Variants in LRRC8B observed in about 807,000 individuals in gnomAD.
LRRC8B encodes the protein volume-regulated anion channel subunit LRRC8B.
In LRRC8B, 23 loss-of-function variants were observed where a neutral mutation model predicts 58.8. The ratio of observed to expected loss-of-function variants is 0.39; its 90% CI spans 0.28 to 0.55. The LOEUF is 0.55. Among genes scored for constraint, LRRC8B ranks in the 20% least tolerant of loss-of-function variants. LRRC8B has a pLI of 0.62. For missense variants in LRRC8B, 694 were observed against 936.0 expected (o/e 0.74, Z 3.37); for synonymous variants, 359 against 374.1 (o/e 0.96, Z 0.47).
At chr1:89,550,487 C>T (rs1281268210) in intron 1 of LRRC8B, among the ~76,000 whole-genome samples, 1 of 152,204 alleles carries the variant, frequency 6.6e-6, no homozygotes, top group Non-Finnish European at 1.5e-5. Context: ...ATCTCACCTT[C>T]TTCAGCTTTC....
intron 1 of LRRC8B, among the ~76,000 whole-genome samples, chr1:89,563,353 G>A (rs1652822900): frequency 1.3e-5 from 2 of 152,094 alleles, no homozygotes; most frequent in African/African-American, 4.8e-5. Context: ...CCTGTCTGCA[G>A]CATAAATCTT....
chr1:89,558,884 C>G (rs543507624), intron 1 of LRRC8B: 1 of 152,278 alleles, frequency 6.6e-6, no homozygotes, highest in South Asian at 2.1e-4. Flanking sequence ...AGCCTAATCA[C>G]CTCCTAAATG....
chr1:89,549,589 C>G (rs1651662690), intron 1 of LRRC8B, among the ~76,000 whole-genome samples: 1 of 152,124 alleles, frequency 6.6e-6, no homozygotes. Context: ...TCCAGTTGGA[C>G]AATCAAGTAG....
In LRRC8B at chr1:89,583,050, G is replaced by A; in HGVS notation, c.400G>A (p.Ala134Thr). Reference protein sequence around the residue: ...LVLLHTLIFAACSNFWLHYPS... With the variant: ...LVLLHTLIFATCSNFWLHYPS... ...GCTCTTGCACACGCTCATCTTTGCA[G>A]CCTGCAGCAACTTTTGGCTTCACTA... Residue 134 changes from alanine (A) to threonine (T), a missense_variant, in exon 5 of 6, where the codon GCC (alanine) becomes ACC (threonine). Transcript: ENST00000330947. This position sits in a 1 kb window ranked among gnomAD's most constrained non-coding sequence, Gnocchi z 5.2. The A allele has an allele frequency of 6.2e-7, 1 of 1,614,118 alleles. No individual in the cohort carries two copies. The highest frequency in any genetic ancestry group is 8.5e-7 in the Non-Finnish European group (1 of 1,180,038).
chr1:89,581,437 A>G (rs1471817103), intron 4 of LRRC8B, among the ~76,000 whole-genome samples: 1 of 152,178 alleles, frequency 6.6e-6, no homozygotes, highest in Non-Finnish European at 1.5e-5. Flanking sequence ...GCAAGGGGGC[A>G]CCATGCTACC....
chr1:89,535,013 T>A (rs898021003), intron 1 of LRRC8B, among the ~76,000 whole-genome samples: 1 of 152,058 alleles, frequency 6.6e-6, no homozygotes, highest in African/African-American at 2.4e-5. Flanking sequence ...CCCAAGGCAA[T>A]GCACCATAAG....
intron 1 of LRRC8B, among the ~76,000 whole-genome samples, chr1:89,546,151 G>A (rs1344226584): frequency 1.3e-5 from 2 of 152,148 alleles, no homozygotes; most frequent in African/African-American, 4.8e-5. Context: ...CATGTTCAAA[G>A]GCATAGTAGG....
Position 89,596,623 on chromosome 1 carries a change from T to C in LRRC8B, c.*3580T>C, listed in dbSNP as rs1655321520. ...TTGTGTTTTCAATAAAATTTTCTTTTCATCTTTCCATCTTCACATTCTCTT... is the reference window on the plus strand; with the variant it reads ...TTGTGTTTTCAATAAAATTTTCTTTCCATCTTTCCATCTTCACATTCTCTT... On this transcript the variant is annotated 3_prime_UTR_variant, in exon 6 of 6. Transcript: ENST00000330947. 1 of 152,212 alleles carries C rather than the reference T, an allele frequency of 6.6e-6. No homozygotes were observed. Among genetic ancestry groups the C allele is most frequent in the East Asian group, 1.9e-4 (1 of 5,204 alleles). 9.4% of individuals were successfully genotyped at this position (152,212 alleles called of 1,614,324 possible). A position where few individuals can be genotyped will look rare whatever the true frequency, so the allele number is the denominator to read the frequency against.
Position 89,584,376 on chromosome 1 carries a change from G to C in LRRC8B, c.1726G>C (p.Val576Leu), listed in dbSNP as rs139233340. 1 of 1,614,104 alleles carries C rather than the reference G, an allele frequency of 6.2e-7. No individual in the cohort carries two copies. Among genetic ancestry groups the C allele is most frequent in the Non-Finnish European group, 8.5e-7 (1 of 1,180,030 alleles). Reference protein sequence around the residue: ...LSLDNEGSKLVVLNNLKKMVN... With the variant: ...LSLDNEGSKLLVLNNLKKMVN... ...CCTTGATAATGAGGGAAGCAAACTG[G>C]TTGTGTTGAACAACTTGAAAAAGAT... Residue 576 changes from valine (V) to leucine (L), a missense_variant, in exon 5 of 6, where the codon GTT becomes CTT. Val to Leu is a conservative substitution (Grantham distance 32). Around this residue, in one of 5 missense-constraint regions of LRRC8B, gnomAD observed 53 missense variants for 112.3 expected, o/e 0.47. Coordinates refer to ENST00000330947, the MANE Select transcript of LRRC8B (RefSeq NM_001369817.2).
intron 1 of LRRC8B, among the ~76,000 whole-genome samples, chr1:89,550,830 C>A (rs1651748285): frequency 6.6e-6 from 1 of 152,176 alleles, no homozygotes; most frequent in Admixed American, 6.5e-5. Context: ...CATTGAATGA[C>A]TGCAGTAGGT....
rs142576173 is a variant in LRRC8B, at chr1:89,530,002, G to A, written c.-241+4980G>A. ...TGGGACCATACTGGGGAGGACAGGT[G>A]AATCACTCACTCACTGCAAACAGAT... On this transcript the variant is annotated intron_variant, in intron 1 of 5. Coordinates refer to ENST00000330947, the MANE Select transcript of LRRC8B (RefSeq NM_001369817.2). Among the ~76,000 whole-genome samples, 119 of 151,914 alleles carry A rather than the reference G, an allele frequency of 7.8e-4. No homozygotes were observed. The South Asian group carries it at 0.011, about 15-fold the overall frequency.
chr1:89,575,078 G>C (rs1177052426), intron 3 of LRRC8B, among the ~76,000 whole-genome samples: 1 of 152,190 alleles, frequency 6.6e-6, no homozygotes, highest in Non-Finnish European at 1.5e-5. Flanking sequence ...TTTTTGGGGG[G>C]CTTGGGAAAG....
At chr1:89,557,915 G>T (rs1652312021) in intron 1 of LRRC8B, among the ~76,000 whole-genome samples, 1 of 152,166 alleles carries the variant, frequency 6.6e-6, no homozygotes, top group Non-Finnish European at 1.5e-5. Flanking sequence ...CATGTGCAGG[G>T]TTGACTCTCA....
intron 1 of LRRC8B, among the ~76,000 whole-genome samples, chr1:89,539,648 G>A (rs1220469715): frequency 6.6e-6 from 1 of 152,232 alleles, no homozygotes; most frequent in Non-Finnish European, 1.5e-5. Context: ...AGATACTTCT[G>A]CTGAAGCATA....
intron 5 of LRRC8B, among the ~76,000 whole-genome samples, chr1:89,586,695 C>A (rs1305452483): frequency 1.3e-5 from 2 of 152,178 alleles, no homozygotes; most frequent in Non-Finnish European, 1.5e-5. Context: ...AAGTCTTACG[C>A]TGAAAATACT....
chr1:89,561,986 G>A (rs1009373751), intron 1 of LRRC8B, among the ~76,000 whole-genome samples: 2 of 152,084 alleles, frequency 1.3e-5, no homozygotes, highest in African/African-American at 2.4e-5. Flanking sequence ...AGAGACTATG[G>A]AAGTAACAAG....
intron 5 of LRRC8B, among the ~76,000 whole-genome samples, chr1:89,585,095 T>G (rs1654531873): frequency 6.6e-6 from 1 of 152,268 alleles, no homozygotes; most frequent in South Asian, 2.1e-4. Context: ...TTTAAACTAT[T>G]TAATTCATTA....
chr1:89,576,811 G>A (rs1271295632), intron 3 of LRRC8B, among the ~76,000 whole-genome samples: 2 of 152,116 alleles, frequency 1.3e-5, no homozygotes, highest in Non-Finnish European at 2.9e-5. Flanking sequence ...GAACTACAAA[G>A]GGACATAAGG....
chr1:89,547,979 C>T (rs562768489), intron 1 of LRRC8B, among the ~76,000 whole-genome samples: 5 of 152,082 alleles, frequency 3.3e-5, no homozygotes, highest in African/African-American at 1.2e-4. Flanking sequence ...TGAGTCATTG[C>T]CCAAAAAAGG....
Sources: gnomAD v4.1 joint callset for allele counts (sites outside exome capture counted in the v4.1 genomes callset) on GRCh38, gnomAD v4.1.1 for gene constraint, gnomAD v4.1.1 regional missense constraint, Gnocchi (gnomAD v3.1) non-coding constraint, MANE v1.5 for transcripts, NCBI Gene and HGNC (gene_info 2026-07-23, HGNC 2026-07-21) for gene names.